The following CDON variants were observed in gnomAD, a reference collection of about 807,000 sequenced individuals.
CDON encodes cell adhesion associated, oncogene regulated.
Under a neutral mutation model 120.9 loss-of-function variants are expected in CDON, and 73 were observed. That is an observed-to-expected ratio of 0.60 (90% CI 0.50 to 0.73). CDON has a LOEUF of 0.73. Among genes scored for constraint, CDON ranks in the 30% least tolerant of loss-of-function variants. The probability of loss-of-function intolerance (pLI) is 0.00; values close to 1 mark genes in which losing one functional copy is unlikely to be tolerated. For missense variants in CDON, 1,470 were observed against 1,587.3 expected (o/e 0.93, Z 1.26); for synonymous variants, 566 against 573.5 (o/e 0.99, Z 0.19).
Position 125,983,955 on chromosome 11 carries a change from C to G in CDON, c.2912G>C (p.Cys971Ser). 2 of 1,614,180 alleles carry G rather than the reference C, an allele frequency of 1.2e-6. No individual in the cohort carries two copies. The highest frequency in any genetic ancestry group is 8.5e-7 in the Non-Finnish European group (1 of 1,180,008). Reference protein sequence around the residue: ...SSDMLYLIVGCVLGVMVLILM... With the variant: ...SSDMLYLIVGSVLGVMVLILM... ...AATGAGGACCATGACGCCCAGCACA[C>G]AGCCAACGATCAGATATAACATGTC... Residue 971 changes from cysteine (C) to serine (S), a missense_variant, in exon 16 of 20, where the codon TGT (cysteine) becomes TCT (serine). Physicochemically the swap from Cys to Ser is moderately radical, Grantham distance 112. Coordinates refer to ENST00000531738, the MANE Select transcript of CDON (RefSeq NM_001378964.1).
chr11:126,030,132 A>G (rs1947905923), intron 1 of CDON, among the ~76,000 whole-genome samples: 1 of 152,198 alleles, frequency 6.6e-6, no homozygotes, highest in Non-Finnish European at 1.5e-5. Context: ...GCTCTACTTT[A>G]TATGCCATGC....
At chr11:125,969,472 T>C (rs1945900791) in intron 18 of CDON, among the ~76,000 whole-genome samples, 1 of 152,250 alleles carries the variant, frequency 6.6e-6, no homozygotes. Context: ...GCTCTCACAA[T>C]GCACATTTTA....
At position 125,966,644 on chromosome 11, in the gene CDON, C is replaced by T. The variant is rs115522171; in HGVS notation, c.3357-4646G>A. ...AGCTCTGTGGACCCCAGGCAGAATA[C>T]AAAGAAAATTACACCGATCAATGCC... On this transcript the variant is annotated intron_variant, in intron 18 of 19. Transcript: ENST00000531738. 7.1e-3 allele frequency among the ~76,000 whole-genome samples: 1,075 copies of T among 151,968 alleles called. 15 individuals carry two copies. The highest frequency in any genetic ancestry group is 0.025 in the African/African-American group (1,038 of 41,432).
At chr11:126,056,506 G>C (rs868321252) in intron 1 of CDON, among the ~76,000 whole-genome samples, 1 of 152,162 alleles carries the variant, frequency 6.6e-6, no homozygotes, top group African/African-American at 2.4e-5. Flanking sequence ...TGTCTCCTGA[G>C]AGAAAAATGG....
intron 7 of CDON, among the ~76,000 whole-genome samples, chr11:126,011,904 C>T (rs1307207304): frequency 6.6e-6 from 1 of 152,144 alleles, no homozygotes; most frequent in African/African-American, 2.4e-5. Context: ...TTCACTTTTA[C>T]CTCCATGCTG....
At chr11:125,970,594 C>T (rs750214742) in intron 18 of CDON, among the ~76,000 whole-genome samples, 28 of 152,286 alleles carry the variant, frequency 1.8e-4, no homozygotes, top group Non-Finnish European at 3.2e-4. Context: ...CTGATGGCAC[C>T]GCTCCAGGGC....
intron 15 of CDON, among the ~76,000 whole-genome samples, chr11:125,986,440 AAG>A (rs1490620633): frequency 6.6e-6 from 1 of 152,200 alleles, no homozygotes; most frequent in Non-Finnish European, 1.5e-5. Context: ...ATTTAAAAAA[AAG>A]AGGAAAAACC....
At chr11:126,023,380 C>A (rs1939890) in intron 2 of CDON, 21 bp downstream of exon 2, 1 of 1,516,758 alleles carries the variant, frequency 6.6e-7, no homozygotes, top group South Asian at 1.1e-5. Context: ...CAAACCACCC[C>A]CTCCCCAATT....
chr11:126,037,288 A>G (rs886376227), intron 1 of CDON, among the ~76,000 whole-genome samples: 3 of 151,924 alleles, frequency 2.0e-5, no homozygotes, highest in Admixed American at 6.6e-5. Context: ...TTTAGTAGAG[A>G]TGGGTTTCAC....
At position 125,961,561 on chromosome 11, in the gene CDON, T is replaced by TC. The variant is rs553842414; in HGVS notation, c.3631+162_3631+163insG. 1,095 of 807,970 alleles carry TC rather than the reference T, an allele frequency of 1.4e-3. 2 individuals are homozygous for TC. The highest frequency in any genetic ancestry group is 1.4e-3 in the Middle Eastern group (6 of 4,316). The allele number at this position is 807,970 out of a possible 1,614,324, so 50.1% of individuals were successfully genotyped here. A position where few individuals can be genotyped will look rare whatever the true frequency, so the allele number is the denominator to read the frequency against. On this transcript the variant is annotated intron_variant, in intron 19 of 19. Transcript: ENST00000531738. Reference sequence around the variant, plus strand: ...CAGAATTTCAAAGAATCCTTTATCTTGAGTCCTATCTTTTCCTGAAGGACC... The same window carrying TC: ...CAGAATTTCAAAGAATCCTTTATCTTCGAGTCCTATCTTTTCCTGAAGGACC...
rs1174682030 is a variant in CDON, at chr11:125,981,394, G to A, written c.2996-65C>T. 8.7e-6 allele frequency: 13 copies of A among 1,501,832 alleles called. No individual in the cohort carries two copies. In the South Asian group the frequency reaches 1.1e-4, roughly 13 times the overall value. The allele number at this position is 1,501,832 out of a possible 1,614,324, so 93.0% of individuals were successfully genotyped here. On this transcript the variant is annotated intron_variant, in intron 16 of 19. Transcript: ENST00000531738. ...CACACGCACGCACACATGCACATAC[G>A]CACACACGCATGCACACATGCACAT... is the stretch of plus-strand genomic sequence containing the variant.
At chr11:126,047,184 T>G (rs570479200) in intron 1 of CDON, among the ~76,000 whole-genome samples, 2 of 152,116 alleles carry the variant, frequency 1.3e-5, no homozygotes, top group Non-Finnish European at 2.9e-5. Flanking sequence ...AAAATCAGTG[T>G]TATTTACCTG....
rs1948034998 is a variant in CDON, at chr11:126,034,397, G to A, written c.-61-10860C>T. Reference sequence around the variant, plus strand: ...GGGCCCAGGACGAACCCCAGGAAAGGTCACTGAGATCAAGGGTCACACGCA... The same window carrying A: ...GGGCCCAGGACGAACCCCAGGAAAGATCACTGAGATCAAGGGTCACACGCA... On this transcript the variant is annotated intron_variant, in intron 1 of 19. Transcript: ENST00000531738. This position sits in a 1 kb window ranked among gnomAD's most constrained non-coding sequence, Gnocchi z 4.5. Among the ~76,000 whole-genome samples, 1 of 152,152 alleles carries A rather than the reference G, an allele frequency of 6.6e-6. No individual in the cohort carries two copies. Among genetic ancestry groups the A allele is most frequent in the Admixed American group, 6.5e-5 (1 of 15,284 alleles).
At chr11:125,971,284 G>A (rs1465044894) in intron 18 of CDON, among the ~76,000 whole-genome samples, 1 of 152,162 alleles carries the variant, frequency 6.6e-6, no homozygotes, top group East Asian at 1.9e-4. Context: ...TCAGGAGGCT[G>A]AGGCAGGAGA....
At chr11:125,978,652 A>T (rs1946210152) in intron 17 of CDON, among the ~76,000 whole-genome samples, 1 of 152,222 alleles carries the variant, frequency 6.6e-6, no homozygotes, top group Admixed American at 6.5e-5. Context: ...TACTAGACAA[A>T]GGTAAATAAA....
intron 1 of CDON, among the ~76,000 whole-genome samples, chr11:126,046,610 GC>G (rs1207883082): frequency 2.0e-5 from 3 of 152,120 alleles, no homozygotes; most frequent in Admixed American, 6.5e-5. Context: ...GGCGACGGTG[GC>G]CCCCCTTGTC....
At chr11:125,989,406 C>T (rs562667884) in intron 15 of CDON, among the ~76,000 whole-genome samples, 7 of 152,174 alleles carry the variant, frequency 4.6e-5, no homozygotes, top group Non-Finnish European at 7.4e-5. Flanking sequence ...CGTGGTGGTG[C>T]GCACCTGCAG....
At chr11:125,961,521 G>T in intron 19 of CDON, 2 of 644,522 alleles carry the variant, frequency 3.1e-6, no homozygotes, top group Non-Finnish European at 5.3e-6. Context: ...CTGAGATGAA[G>T]GACATGAGTA....
At chr11:126,059,770 A>G (rs1170350377) in intron 1 of CDON, among the ~76,000 whole-genome samples, 1 of 152,066 alleles carries the variant, frequency 6.6e-6, no homozygotes, top group Non-Finnish European at 1.5e-5. Flanking sequence ...AATCACACAC[A>G]TGTGGCTCTT....
Sources: gnomAD v4.1 joint callset for allele counts (sites outside exome capture counted in the v4.1 genomes callset) on GRCh38, gnomAD v4.1.1 for gene constraint, Gnocchi (gnomAD v3.1) non-coding constraint, MANE v1.5 for transcripts, NCBI Gene and HGNC (gene_info 2026-07-23, HGNC 2026-07-21) for gene names.